The following TRPC7 variants were observed in gnomAD, a reference collection of about 807,000 sequenced individuals.
TRPC7 encodes the protein transient receptor potential cation channel subfamily C member 7.
TRPC7 carries 42 observed loss-of-function variants against 90.1 expected under a neutral mutation model. That is an observed-to-expected ratio of 0.47 (90% CI 0.36 to 0.60). The LOEUF (loss-of-function observed/expected upper bound fraction) is 0.60, where lower values mean the gene tolerates loss of function less well. Among genes scored for constraint, TRPC7 ranks in the 20% least tolerant of loss-of-function variants. The pLI is 0.00. For missense variants in TRPC7, 955 were observed against 1,112.3 expected, an observed-to-expected ratio of 0.86 and a Z score of 2.01; for synonymous variants, 451 against 436.3, an observed-to-expected ratio of 1.03 and a Z score of -0.42.
In TRPC7 at chr5:136,274,765, G is replaced by A. The variant is rs745931047; in HGVS notation, c.1036C>T (p.Gln346Ter). 6.2e-7 allele frequency: 1 copy of A among 1,607,738 alleles called. No individual in the cohort carries two copies. The change falls in exon 4 of 12, where the codon CAG becomes TAG. Residue 346 changes from glutamine to a stop codon, truncating the protein, a stop_gained. Coordinates refer to ENST00000513104, the MANE Select transcript of TRPC7 (RefSeq NM_020389.3). LOFTEE classifies it high-confidence loss of function. ...WYENLSGLRQ[Q>*]SIAVKFLAVF... Reference sequence around the variant, plus strand: ...GCCAGGAATTTCACAGCGATAGACTGTTGACGTAAGCCTGAGAGATTTTCA... The same window carrying A: ...GCCAGGAATTTCACAGCGATAGACTATTGACGTAAGCCTGAGAGATTTTCA...
At chr5:136,251,592 C>T in intron 6 of TRPC7, 57 bp downstream of exon 6, 1 of 1,373,696 alleles carries the variant, frequency 7.3e-7, no homozygotes, top group East Asian at 2.5e-5. Flanking sequence ...CAGTGAAGCA[C>T]CAGGCCCACG....
intron 3 of TRPC7, among the ~76,000 whole-genome samples, chr5:136,306,296 T>G (rs1758626472): frequency 6.6e-6 from 1 of 152,138 alleles, no homozygotes; most frequent in Non-Finnish European, 1.5e-5. Flanking sequence ...ATTTAGTTTT[T>G]CAATTCATAC....
intron 2 of TRPC7, among the ~76,000 whole-genome samples, chr5:136,332,364 C>T (rs568823625): frequency 6.6e-5 from 10 of 152,170 alleles, no homozygotes; most frequent in South Asian, 2.1e-4. Context: ...CGGACTGTGA[C>T]GACTGCAGCT....
chr5:136,364,610 G>T (rs1489091969), intron 1 of TRPC7, among the ~76,000 whole-genome samples: 1 of 152,058 alleles, frequency 6.6e-6, no homozygotes, highest in Non-Finnish European at 1.5e-5. Flanking sequence ...AATAGCAATA[G>T]CATTTTGGTT....
intron 2 of TRPC7, among the ~76,000 whole-genome samples, chr5:136,329,676 A>G (rs1759441791): frequency 6.6e-6 from 1 of 152,242 alleles, no homozygotes; most frequent in Admixed American, 6.5e-5. Context: ...GCATGGTCAT[A>G]TGCGTAAGTT....
rs1378207188 is a variant in TRPC7 at position 136,357,413 on chromosome 5, T to TA, written c.3-29dup. 1.9e-6 allele frequency: 3 copies of TA among 1,557,210 alleles called. No homozygotes were observed. In the African/African-American group the frequency reaches 4.1e-5, roughly 21 times the overall value. ...ATGGGACAAGGCAAAGATGCCCTGT[T>TA]ACTTTCCTGCGGATTCCCTAGCAGT... On this transcript the variant is annotated intron_variant, in intron 1 of 11. Transcript: ENST00000513104.
intron 10 of TRPC7, among the ~76,000 whole-genome samples, chr5:136,220,405 G>A (rs1308662567): frequency 1.3e-5 from 2 of 152,088 alleles, no homozygotes; most frequent in Non-Finnish European, 2.9e-5. Context: ...GCATTCCTGG[G>A]GGGCAGTCTA....
At chr5:136,295,572 C>G (rs1017100215) in intron 3 of TRPC7, among the ~76,000 whole-genome samples, 1 of 152,130 alleles carries the variant, frequency 6.6e-6, no homozygotes. Flanking sequence ...CACTGTGGCC[C>G]AGGCCTCCTC....
intron 2 of TRPC7, among the ~76,000 whole-genome samples, chr5:136,330,559 T>C: frequency 6.6e-6 from 1 of 152,254 alleles, no homozygotes; most frequent in African/African-American, 2.4e-5. Context: ...GAAGGGCAGG[T>C]GTGGGAGGAG....
Position 136,342,140 on chromosome 5 carries a change from T to G in TRPC7, c.780+14468A>C, listed in dbSNP as rs544378458. 5.9e-5 allele frequency among the ~76,000 whole-genome samples: 9 copies of G among 152,328 alleles called. No individual in the cohort carries two copies. The South Asian group carries it at 1.9e-3, about 32-fold the overall frequency. On this transcript the variant is annotated intron_variant, in intron 2 of 11. Coordinates refer to ENST00000513104, the MANE Select transcript of TRPC7 (RefSeq NM_020389.3). ...GTGTAATTTTCACAGGCCTTTTAAG[T>G]GTTTTTGAAATATAGCCTCAACTAA... is the stretch of plus-strand genomic sequence containing the variant.
chr5:136,341,474 TACACAC>T (rs72512515), intron 2 of TRPC7, among the ~76,000 whole-genome samples: 1 of 150,874 alleles, frequency 6.6e-6, no homozygotes, highest in Admixed American at 6.6e-5. Flanking sequence ...TACATATATA[TACACAC>T]ACACACACAC....
intron 4 of TRPC7, among the ~76,000 whole-genome samples, chr5:136,266,825 C>T (rs891933697): frequency 2.6e-5 from 4 of 152,126 alleles, no homozygotes; most frequent in Non-Finnish European, 5.9e-5. Flanking sequence ...CTCACTTGGG[C>T]TTCATTCTAA....
chr5:136,356,959 T>C lies in TRPC7; in HGVS notation c.429A>G (p.Glu143=), dbSNP rs767613714. 7.6e-5 allele frequency: 122 copies of C among 1,612,564 alleles called. No homozygotes were observed. Among genetic ancestry groups the C allele is most frequent in the Non-Finnish European group, 9.9e-5 (117 of 1,179,648 alleles). The change falls in exon 2 of 12, where the codon GAA becomes GAG. Residue 143 remains glutamate, a synonymous_variant. Coordinates refer to ENST00000513104, the MANE Select transcript of TRPC7 (RefSeq NM_020389.3). The part of the protein sequence containing the change: ...QGQRLTLSPL[E]QELRDDDFYA... ...AGAAGTCGTCGTCGCGCAGCTCCTG[T>C]TCCAGCGGGCTGAGCGTCAGGCGCT...
chr5:136,261,413 G>A (rs1343292290), intron 5 of TRPC7, among the ~76,000 whole-genome samples: 2 of 152,300 alleles, frequency 1.3e-5, no homozygotes, highest in East Asian at 1.9e-4. Context: ...CACCTGCACT[G>A]TGCTGTCAAC....
chr5:136,347,954 G>A lies in TRPC7; in HGVS notation c.780+8654C>T, dbSNP rs187627287. ...GGAGCCAGTCACCTGCTCCAACTGC[G>A]CTGTGGCTTCATCTGCAATGAAGCA... On this transcript the variant is annotated intron_variant, in intron 2 of 11. Transcript: ENST00000513104. Among the ~76,000 whole-genome samples, 40 of 152,318 alleles carry A rather than the reference G, an allele frequency of 2.6e-4. No individual in the cohort carries two copies. The Middle Eastern group carries it at 0.014, about 52-fold the overall frequency.
intron 2 of TRPC7, among the ~76,000 whole-genome samples, chr5:136,328,202 G>T (rs947903958): frequency 2.0e-5 from 3 of 152,148 alleles, no homozygotes; most frequent in African/African-American, 7.2e-5. Context: ...AGCTTTCTCA[G>T]GGGGATTTAG....
chr5:136,282,345 A>C (rs993641153), intron 3 of TRPC7, among the ~76,000 whole-genome samples: 5 of 152,200 alleles, frequency 3.3e-5, no homozygotes, highest in Admixed American at 3.3e-4. Context: ...TCCCTTTATG[A>C]TTCTAAATTT....
chr5:136,365,099 A>G (rs568390449), intron 1 of TRPC7, among the ~76,000 whole-genome samples, 154 bp downstream of exon 1: 1 of 152,184 alleles, frequency 6.6e-6, no homozygotes, highest in Non-Finnish European at 1.5e-5. Flanking sequence ...CTACCAACTC[A>G]ACAAATAAGA....
chr5:136,303,571 C>G (rs890234919), intron 3 of TRPC7, among the ~76,000 whole-genome samples: 1 of 152,180 alleles, frequency 6.6e-6, no homozygotes. Flanking sequence ...ACCTCCTCCC[C>G]CAGGAGCTTG....
Sources: gnomAD v4.1 joint callset for allele counts (sites outside exome capture counted in the v4.1 genomes callset) on GRCh38, gnomAD v4.1.1 for gene constraint, MANE v1.5 for transcripts, NCBI Gene and HGNC (gene_info 2026-07-23, HGNC 2026-07-21) for gene names.